The following GUK1 variants were observed in gnomAD, a reference collection of about 807,000 sequenced individuals.
The protein encoded by GUK1 is guanylate kinase 1.
A neutral mutation model predicts 25.2 loss-of-function variants in GUK1; 18 were observed. The ratio of observed to expected loss-of-function variants is 0.71; its 90% CI spans 0.49 to 1.06. The LOEUF (loss-of-function observed/expected upper bound fraction) is 1.06, where lower values mean the gene tolerates loss of function less well. Ranked by LOEUF, GUK1 falls within the 50% of genes least tolerant of loss-of-function variation. GUK1 has a pLI of 0.00. For synonymous variants in GUK1, 105 were observed against 117.6 expected, an observed-to-expected ratio of 0.89 and a Z score of 0.69; for missense variants, 261 against 276.7, an observed-to-expected ratio of 0.94 and a Z score of 0.40.
chr1:228,141,611 G>C (rs776765196), intron 2 of GUK1: 1 of 1,117,160 alleles, frequency 9.0e-7, no homozygotes, highest in Non-Finnish European at 1.1e-6. Flanking sequence ...GGGGCAAGGT[G>C]GTGACTCTGT....
At chr1:228,145,868 G>T in intron 3 of GUK1, 158 bp from the exon 3 acceptor site, 1 of 719,332 alleles carries the variant, frequency 1.4e-6, no homozygotes, top group Non-Finnish European at 2.4e-6. Context: ...TTCTTTCTGG[G>T]AGAACCCTCG....
intron 7 of GUK1, 110 bp from the exon 7 acceptor site, chr1:228,148,261 C>A: frequency 1.2e-6 from 1 of 827,578 alleles, no homozygotes; most frequent in Non-Finnish European, 2.1e-6. Flanking sequence ...AGCTGTCCCA[C>A]AGCCGCAGTG....
Position 228,148,751 on chromosome 1 carries a change from AT to A in GUK1, c.*56del. 6.2e-7 allele frequency: 1 copy of A among 1,611,664 alleles called. No individual in the cohort carries two copies. The highest frequency in any genetic ancestry group is 8.5e-7 in the Non-Finnish European group (1 of 1,179,726). Reference sequence around the variant, plus strand: ...GCCCATACAGGACCAGGGCAGCAGCATTGAGCCACCCCCTTGGCAGGCGATA... The same window carrying A: ...GCCCATACAGGACCAGGGCAGCAGCATGAGCCACCCCCTTGGCAGGCGATA... On this transcript the variant is annotated 3_prime_UTR_variant, in exon 9 of 9. Coordinates refer to ENST00000312726, the MANE Select transcript of GUK1 (RefSeq NM_000858.7).
chr1:228,140,417 C>T (rs939743782), intron 1 of GUK1, 54 bp downstream of exon 1: 1 of 1,299,116 alleles, frequency 7.7e-7, no homozygotes, highest in Non-Finnish European at 1.0e-6. Context: ...CGGCAGCGGT[C>T]CCTGCGCTTT....
At chr1:228,140,384 C>T in intron 1 of GUK1, 21 bp downstream of exon 1, 1 of 1,492,162 alleles carries the variant, frequency 6.7e-7, no homozygotes, top group Admixed American at 2.3e-5. Context: ...CAAGCGCGAT[C>T]GCGAGGGTGA....
chr1:228,142,735 AC>A (rs1412176619), intron 2 of GUK1, among the ~76,000 whole-genome samples: 1 of 150,218 alleles, frequency 6.7e-6, no homozygotes, highest in African/African-American at 2.5e-5. Context: ...GGACTCCAGC[AC>A]CCCCCATTCC....
chr1:228,148,601 G>T, intron 8 of GUK1, 64 bp from the exon 8 acceptor site: 4 of 1,477,210 alleles, frequency 2.7e-6, no homozygotes, highest in Non-Finnish European at 3.7e-6. Context: ...GGTGGAGGGA[G>T]AGCAGGAAGC....
chr1:228,146,212 G>T, intron 4 of GUK1, 145 bp downstream of exon 3: 1 of 629,842 alleles, frequency 1.6e-6, no homozygotes, highest in South Asian at 1.9e-5. Context: ...AAGGGCCGGT[G>T]AACTCAATCA....
upstream of GUK1, chr1:228,140,140 G>A (rs776453817): frequency 4.9e-6 from 3 of 614,562 alleles, no homozygotes; most frequent in Non-Finnish European, 8.3e-6. Context: ...AGGTGGAGGC[G>A]GGGCTAGCGA....
At chr1:228,148,085 TTCTGCTGTGTGTGTAGAGGA>T (rs1485646800) in intron 7 of GUK1, 14 of 582,712 alleles carry the variant, frequency 2.4e-5, no homozygotes, top group Non-Finnish European at 3.7e-5. Context: ...GCATTTAATG[TTCTGCTGTGTGTGTAGAGGA>T]TAGTGTAGCC....
chr1:228,140,235 C>A, upstream of GUK1: 1 of 1,330,572 alleles, frequency 7.5e-7, no homozygotes. Flanking sequence ...GTCAGTCTCG[C>A]GCGCGGGCGG....
chr1:228,148,370 G>A lies in GUK1; in HGVS notation c.476-1G>A. ...GCCCTGACCCCAGGCCCCACCCACA[G>A]GCAAGGAGCCCGGCCTGTTTGATGT... On this transcript the variant is annotated splice_acceptor_variant, in intron 7 of 8. Coordinates refer to ENST00000312726, the MANE Select transcript of GUK1 (RefSeq NM_000858.7). LOFTEE classifies it high-confidence loss of function. 2 of 1,557,308 alleles carry A rather than the reference G, an allele frequency of 1.3e-6. No individual in the cohort carries two copies. The highest frequency in any genetic ancestry group is 4.6e-5 in the East Asian group (2 of 43,872).
chr1:228,141,616 C>T, intron 2 of GUK1: 1 of 1,133,998 alleles, frequency 8.8e-7, no homozygotes, highest in Non-Finnish European at 1.1e-6. Context: ...AAGGTGGTGA[C>T]TCTGTTCAGT....
chr1:228,144,789 A>G (rs2034277395), intron 2 of GUK1: 1 of 921,470 alleles, frequency 1.1e-6, no homozygotes, highest in South Asian at 5.0e-5. Context: ...CCACCAGGCA[A>G]AGGCCAGCTC....
chr1:228,144,455 G>C (rs764875077), intron 2 of GUK1: 1 of 152,346 alleles, frequency 6.6e-6, no homozygotes, highest in Non-Finnish European at 1.5e-5. Flanking sequence ...ATCCCAACTC[G>C]AAGACGCTGC....
At chr1:228,147,319 T>C in intron 5 of GUK1, 87 bp from the exon 5 acceptor site, 1 of 1,325,466 alleles carries the variant, frequency 7.5e-7, no homozygotes, top group Non-Finnish European at 1.0e-6. Flanking sequence ...AGGAGAACGC[T>C]GGGCCCGGGA....
rs933664182 is a variant in GUK1, at chr1:228,146,799, G to A, written c.155-43G>A. On this transcript the variant is annotated intron_variant, in intron 4 of 8. Transcript: ENST00000312726. ...GGCAGCTGGCCCTGGGCACCCTGGT[G>A]CAGGTCCAGTCTGCCCTCTGGATGG... is the stretch of plus-strand genomic sequence containing the variant. 1.4e-5 allele frequency: 19 copies of A among 1,341,466 alleles called. No homozygotes were observed. The East Asian group carries it at 3.0e-4, about 21-fold the overall frequency. 83.1% of individuals were successfully genotyped at this position (1,341,466 alleles called of 1,614,324 possible).
intron 5 of GUK1, 52 bp from the exon 5 acceptor site, chr1:228,147,354 T>G: frequency 6.4e-7 from 1 of 1,565,710 alleles, no homozygotes; most frequent in South Asian, 1.1e-5. Context: ...CTGAAGCTCC[T>G]GTAGGCCTCA....
At chr1:228,145,944 T>G (rs1263236202) in intron 3 of GUK1, 82 bp from the exon 3 acceptor site, 4 of 1,019,928 alleles carry the variant, frequency 3.9e-6, no homozygotes, top group Non-Finnish European at 6.2e-6. Flanking sequence ...GGGGCTCAAG[T>G]GCTGTCGGGA....
Sources: allele counts gnomAD v4.1 joint callset (sites outside exome capture counted in the v4.1 genomes callset), GRCh38; gene constraint gnomAD v4.1.1; transcripts MANE v1.5; gene names NCBI Gene and HGNC (gene_info 2026-07-23, HGNC 2026-07-21).